The following DCP1A variants were observed in gnomAD, a reference collection of about 807,000 sequenced individuals.
DCP1A encodes the protein decapping mRNA 1A.
In DCP1A, 20 loss-of-function variants were observed where a neutral mutation model predicts 58.0. The observed-to-expected ratio is 0.34, with a 90% CI of 0.24 to 0.50. The LOEUF (loss-of-function observed/expected upper bound fraction) is 0.50, where lower values mean the gene tolerates loss of function less well. Ranked by LOEUF, DCP1A falls within the 20% of genes least tolerant of loss-of-function variation. DCP1A has a pLI of 0.98. For synonymous variants in DCP1A, 285 were observed against 275.1 expected, an observed-to-expected ratio of 1.04 and a Z score of -0.36; for missense variants, 613 against 712.2, an observed-to-expected ratio of 0.86 and a Z score of 1.59.
intron 1 of DCP1A, among the ~76,000 whole-genome samples, chr3:53,346,310 T>G (rs1319310534): frequency 6.6e-6 from 1 of 152,250 alleles, no homozygotes; most frequent in African/African-American, 2.4e-5. Context: ...ACTCTTCATC[T>G]GAATTAACTG....
At chr3:53,321,838 T>C (rs1707976923) in intron 3 of DCP1A, among the ~76,000 whole-genome samples, 1 of 152,240 alleles carries the variant, frequency 6.6e-6, no homozygotes, top group Non-Finnish European at 1.5e-5. Context: ...TACAATTTTT[T>C]ATAGAAACAA....
intron 8 of DCP1A, 38 bp downstream of exon 8, chr3:53,290,753 A>T (rs1559678978): frequency 1.3e-5 from 9 of 669,912 alleles, no homozygotes; most frequent in Non-Finnish European, 2.0e-5. Context: ...TAGTCTTAAA[A>T]AAAAAAAAAA....
At chr3:53,305,629 C>T (rs782491351) in intron 5 of DCP1A, among the ~76,000 whole-genome samples, 2 of 152,092 alleles carry the variant, frequency 1.3e-5, no homozygotes, top group Admixed American at 6.6e-5. Context: ...GGGTTACAAG[C>T]GTGAGCCACA....
At chr3:53,331,879 T>C (rs1311230894) in intron 3 of DCP1A, among the ~76,000 whole-genome samples, 1 of 152,228 alleles carries the variant, frequency 6.6e-6, no homozygotes, top group Non-Finnish European at 1.5e-5. Context: ...AAAAACATCT[T>C]CTAAGAGAAG....
chr3:53,334,219 G>A (rs953977205), intron 3 of DCP1A, among the ~76,000 whole-genome samples: 2 of 152,074 alleles, frequency 1.3e-5, no homozygotes, highest in African/African-American at 2.4e-5. Context: ...AGCCATGATG[G>A]TGTGTTACTG....
At chr3:53,342,803 C>T (rs782204078) in intron 2 of DCP1A, among the ~76,000 whole-genome samples, 1 of 152,096 alleles carries the variant, frequency 6.6e-6, no homozygotes, top group African/African-American at 2.4e-5. Context: ...ATTTATTGTC[C>T]TCCCCCCACT....
intron 3 of DCP1A, among the ~76,000 whole-genome samples, chr3:53,327,701 G>A (rs1553690763): frequency 1.3e-5 from 2 of 151,734 alleles, no homozygotes; most frequent in African/African-American, 4.8e-5. Flanking sequence ...CGAGGCAGAA[G>A]AATTGCTTGA....
intron 3 of DCP1A, among the ~76,000 whole-genome samples, chr3:53,338,688 C>A (rs558399845): frequency 6.6e-6 from 1 of 151,044 alleles, no homozygotes; most frequent in Non-Finnish European, 1.5e-5. Flanking sequence ...GGTGAAACCC[C>A]GTCTCTACTA....
intron 5 of DCP1A, among the ~76,000 whole-genome samples, 152 bp from the exon 6 acceptor site, chr3:53,304,442 A>G (rs1707407300): frequency 6.6e-6 from 1 of 152,238 alleles, no homozygotes; most frequent in Non-Finnish European, 1.5e-5. Flanking sequence ...CTCCAATGTA[A>G]ATAACATGCA....
chr3:53,318,942 T>C (rs1351628662), intron 4 of DCP1A, among the ~76,000 whole-genome samples: 3 of 152,218 alleles, frequency 2.0e-5, no homozygotes, highest in Non-Finnish European at 4.4e-5. Context: ...GGTCAGGCTG[T>C]ACACCTGATG....
intron 4 of DCP1A, among the ~76,000 whole-genome samples, chr3:53,317,049 C>T (rs1290640909): frequency 5.3e-5 from 8 of 152,206 alleles, no homozygotes; most frequent in Non-Finnish European, 7.3e-5. Context: ...TCAAAGCCCA[C>T]GTCCTCATTC....
intron 3 of DCP1A, among the ~76,000 whole-genome samples, chr3:53,336,915 G>C (rs2089127353): frequency 6.6e-6 from 1 of 151,638 alleles, no homozygotes; most frequent in Non-Finnish European, 1.5e-5. Flanking sequence ...CTGTCTCCCA[G>C]GCTGGAGTGC....
intron 3 of DCP1A, among the ~76,000 whole-genome samples, chr3:53,336,518 T>C (rs868940866): frequency 1.3e-5 from 2 of 152,204 alleles, no homozygotes; most frequent in South Asian, 4.1e-4. Context: ...TTGGGAAGGG[T>C]TGTATAATCC....
intron 6 of DCP1A, among the ~76,000 whole-genome samples, chr3:53,300,608 G>A (rs1707282302): frequency 6.6e-6 from 1 of 151,932 alleles, no homozygotes; most frequent in South Asian, 2.1e-4. Flanking sequence ...CAAAGTGCTA[G>A]GATTACAGGC....
In DCP1A at chr3:53,322,929, G is replaced by A. The variant is rs1363358421; in HGVS notation, c.305-3456C>T. ...CGTGTTCACGCCATTCTCCTCAGCC[G>A]CCCGAGTAGCTGGGATTACAGGCGC... On this transcript the variant is annotated intron_variant, in intron 3 of 9. Coordinates refer to ENST00000610213, the MANE Select transcript of DCP1A (RefSeq NM_018403.7). Among the ~76,000 whole-genome samples the A allele has an allele frequency of 3.3e-5, 5 of 151,386 alleles. No homozygotes were observed. In the East Asian group the frequency reaches 7.8e-4, roughly 24 times the overall value.
At chr3:53,312,569 C>T (rs1212328420) in intron 4 of DCP1A, among the ~76,000 whole-genome samples, 190 bp from the exon 5 acceptor site, 5 of 142,512 alleles carry the variant, frequency 3.5e-5, no homozygotes, top group African/African-American at 7.9e-5. Flanking sequence ...GATCTCGGCT[C>T]ACTGCAAACT....
intron 6 of DCP1A, among the ~76,000 whole-genome samples, chr3:53,302,368 C>T (rs1165769915): frequency 6.6e-6 from 1 of 152,106 alleles, no homozygotes; most frequent in Non-Finnish European, 1.5e-5. Context: ...ATAAAGAGAA[C>T]TAATTCAACA....
At chr3:53,296,620 C>T (rs1707136091) in intron 6 of DCP1A, among the ~76,000 whole-genome samples, 1 of 152,158 alleles carries the variant, frequency 6.6e-6, no homozygotes, top group Non-Finnish European at 1.5e-5. Context: ...CCATTTTAAC[C>T]ATATTTAAGT....
chr3:53,311,064 G>T (rs1300966014), intron 5 of DCP1A, among the ~76,000 whole-genome samples: 2 of 152,200 alleles, frequency 1.3e-5, no homozygotes, highest in Non-Finnish European at 2.9e-5. Context: ...GCTCTGTAAA[G>T]TCCCAAGAGG....
Sources: allele counts gnomAD v4.1 joint callset (sites outside exome capture counted in the v4.1 genomes callset), GRCh38; gene constraint gnomAD v4.1.1; transcripts MANE v1.5; gene names NCBI Gene and HGNC (gene_info 2026-07-23, HGNC 2026-07-21).